The following CLOCK variants were observed in gnomAD, a reference collection of about 807,000 sequenced individuals.
CLOCK encodes the protein circadian locomoter output cycles protein kaput.
In CLOCK, 43 loss-of-function variants were observed where a neutral mutation model predicts 118.4. The observed-to-expected ratio is 0.36, with a 90% CI of 0.28 to 0.47. The LOEUF is 0.47. Ranked by LOEUF, CLOCK falls within the 20% of genes least tolerant of loss-of-function variation. The probability of loss-of-function intolerance (pLI) is 1.00; values close to 1 mark genes in which losing one functional copy is unlikely to be tolerated. For missense variants in CLOCK, 846 were observed against 999.9 expected, an observed-to-expected ratio of 0.85 and a Z score of 2.08; for synonymous variants, 326 against 339.2, an observed-to-expected ratio of 0.96 and a Z score of 0.43.
At chr4:55,490,553 C>T (rs1485817263) in intron 2 of CLOCK, among the ~76,000 whole-genome samples, 2 of 152,000 alleles carry the variant, frequency 1.3e-5, no homozygotes, top group African/African-American at 4.8e-5. Flanking sequence ...GGACCCCCCA[C>T]CAAATATTAA....
intron 1 of CLOCK, among the ~76,000 whole-genome samples, chr4:55,541,621 G>A (rs750766721): frequency 6.6e-6 from 1 of 152,060 alleles, no homozygotes; most frequent in Admixed American, 6.6e-5. Context: ...GAGATAAGAG[G>A]AAACAATTTT....
At chr4:55,524,493 T>C (rs1234091019) in intron 1 of CLOCK, among the ~76,000 whole-genome samples, 1 of 152,228 alleles carries the variant, frequency 6.6e-6, no homozygotes, top group Non-Finnish European at 1.5e-5. Flanking sequence ...TTTATATTTT[T>C]ACACTCAGAA....
intron 2 of CLOCK, among the ~76,000 whole-genome samples, chr4:55,501,350 T>G (rs1423102331): frequency 7.0e-6 from 1 of 142,532 alleles, no homozygotes; most frequent in East Asian, 1.9e-4. Flanking sequence ...ATTCTTGAAT[T>G]ACTACATTTT....
intron 3 of CLOCK, among the ~76,000 whole-genome samples, chr4:55,484,637 G>A (rs1727165309): frequency 6.6e-6 from 1 of 152,100 alleles, no homozygotes; most frequent in South Asian, 2.1e-4. Flanking sequence ...AAATTTCAGT[G>A]AATTCAAAAA....
chr4:55,544,064 A>T (rs2110130007), intron 1 of CLOCK, among the ~76,000 whole-genome samples: 1 of 152,074 alleles, frequency 6.6e-6, no homozygotes, highest in African/African-American at 2.4e-5. Context: ...ATTATATCTC[A>T]TCTAACAGCT....
At chr4:55,453,208 T>C in intron 14 of CLOCK, 79 bp from the exon 15 acceptor site, 1 of 1,145,918 alleles carries the variant, frequency 8.7e-7, no homozygotes, top group Non-Finnish European at 1.3e-6. Context: ...TATTCAGTGT[T>C]GTTACGTGTC....
At chr4:55,533,569 C>T (rs1005706107) in intron 1 of CLOCK, among the ~76,000 whole-genome samples, 45 of 152,240 alleles carry the variant, frequency 3.0e-4, no homozygotes, top group African/African-American at 1.0e-3. Context: ...CAAACCATAT[C>T]ACTGACTAAA....
chr4:55,442,755 T>A, intron 20 of CLOCK, 121 bp from the exon 21 acceptor site: 1 of 874,194 alleles, frequency 1.1e-6, no homozygotes, highest in Non-Finnish European at 1.8e-6. Flanking sequence ...GCAGGATATA[T>A]TACTCTGGGG....
chr4:55,474,482 A>C (rs1726359632), intron 7 of CLOCK, among the ~76,000 whole-genome samples: 2 of 152,228 alleles, frequency 1.3e-5, no homozygotes, highest in Non-Finnish European at 2.9e-5. Flanking sequence ...TCATTGATGA[A>C]GGTCGCTACA....
At chr4:55,463,610 T>C (rs574048937) in intron 9 of CLOCK, 75 bp downstream of exon 9, 30 of 1,519,964 alleles carry the variant, frequency 2.0e-5, no homozygotes, top group Non-Finnish European at 4.6e-6. Flanking sequence ...GAAGTCTGTA[T>C]TTTTCATAAA....
intron 3 of CLOCK, chr4:55,486,548 G>C (rs546934140): frequency 6.6e-6 from 1 of 152,074 alleles, no homozygotes; most frequent in Non-Finnish European, 1.5e-5. Flanking sequence ...TCCAATAACT[G>C]CCTAAGAAAG....
At chr4:55,480,597 A>G (rs1726849531) in intron 4 of CLOCK, among the ~76,000 whole-genome samples, 1 of 152,174 alleles carries the variant, frequency 6.6e-6, no homozygotes, top group Admixed American at 6.5e-5. Flanking sequence ...CAAGTATAAA[A>G]ATGGGAGATG....
rs1722349780 is a variant in CLOCK, at chr4:55,428,921, T to C, written c.*6494A>G. The C allele has an allele frequency of 6.6e-6, 1 of 151,738 alleles. No individual in the cohort carries two copies. The highest frequency in any genetic ancestry group is 2.1e-4 in the South Asian group (1 of 4,814). The allele number at this position is 151,738 out of a possible 1,614,324, so 9.4% of individuals were successfully genotyped here. On this transcript the variant is annotated 3_prime_UTR_variant, in exon 23 of 23. Transcript: ENST00000513440. The stretch of plus-strand genomic sequence containing the variant: ...TCCCCAACTTAAACCATAGTAAAGA[T>C]TTCAAAATCATTCCAGTATGGTCTG...
intron 13 of CLOCK, 53 bp from the exon 14 acceptor site, chr4:55,453,877 T>G: frequency 7.3e-7 from 1 of 1,360,910 alleles, no homozygotes; most frequent in Non-Finnish European, 1.0e-6. Context: ...ATATAAAGAT[T>G]GTTTTTTAAC....
intron 19 of CLOCK, among the ~76,000 whole-genome samples, 189 bp from the exon 20 acceptor site, chr4:55,444,085 T>C (rs1314189879): frequency 6.6e-6 from 1 of 152,222 alleles, no homozygotes; most frequent in Non-Finnish European, 1.5e-5. Context: ...CTTTCAGTTA[T>C]CTTGTTTCCA....
chr4:55,471,322 T>C lies in CLOCK; in HGVS notation c.349-516A>G, dbSNP rs376122306. 1.7e-4 allele frequency among the ~76,000 whole-genome samples: 26 copies of C among 152,296 alleles called. No individual in the cohort carries two copies. In the South Asian group the frequency reaches 5.4e-3, roughly 32 times the overall value. ...GCTGAGTTCATATCATAAAAGGCTT[T>C]GAATATAAGGTTAAGACATAAGAAT... On this transcript the variant is annotated intron_variant, in intron 7 of 22. Coordinates refer to ENST00000513440, the MANE Select transcript of CLOCK (RefSeq NM_004898.4).
intron 8 of CLOCK, among the ~76,000 whole-genome samples, chr4:55,466,008 T>C (rs565174628): frequency 3.0e-4 from 45 of 152,212 alleles, no homozygotes; most frequent in African/African-American, 1.1e-3. Context: ...AGTTGCCTTC[T>C]ACTGACAAAA....
chr4:55,513,632 G>A (rs188371278), intron 1 of CLOCK, among the ~76,000 whole-genome samples: 25 of 152,054 alleles, frequency 1.6e-4, no homozygotes, highest in South Asian at 8.3e-4. Flanking sequence ...TGCCTATTCT[G>A]GGTCTTTTGC....
chr4:55,464,840 C>T (rs754625996), intron 8 of CLOCK, among the ~76,000 whole-genome samples: 1 of 152,128 alleles, frequency 6.6e-6, no homozygotes. Flanking sequence ...ACCGCAATCA[C>T]TTTTGCACCA....
Sources: gnomAD v4.1 joint callset for allele counts (sites outside exome capture counted in the v4.1 genomes callset) on GRCh38, gnomAD v4.1.1 for gene constraint, MANE v1.5 for transcripts, NCBI Gene and HGNC (gene_info 2026-07-23, HGNC 2026-07-21) for gene names.